Variants in UBE2E3 observed in about 807,000 individuals in gnomAD.
UBE2E3 encodes ubiquitin-conjugating enzyme E2 E3.
A neutral mutation model predicts 23.6 loss-of-function variants in UBE2E3; 5 were observed. The observed-to-expected ratio is 0.21, with a 90% CI of 0.11 to 0.44. The LOEUF is 0.44. Among genes scored for constraint, UBE2E3 ranks in the 20% least tolerant of loss-of-function variants. The pLI is 0.99. For synonymous variants in UBE2E3, 78 were observed against 87.5 expected (o/e 0.89, Z 0.60); for missense variants, 81 against 249.8 (o/e 0.32, Z 4.55).
chr2:181,026,240 C>T (rs184799147), intron 3 of UBE2E3, among the ~76,000 whole-genome samples: 163 of 151,794 alleles, frequency 1.1e-3, no homozygotes, highest in Non-Finnish European at 2.1e-3. Flanking sequence ...CTCATAGAAA[C>T]AGAAAAACCA....
intron 3 of UBE2E3, among the ~76,000 whole-genome samples, chr2:181,047,046 A>G (rs1174831813): frequency 1.3e-5 from 2 of 152,188 alleles, no homozygotes; most frequent in African/African-American, 2.4e-5. Flanking sequence ...TTTTACAGAA[A>G]GAGTTAGTTC....
intron 3 of UBE2E3, among the ~76,000 whole-genome samples, chr2:180,985,735 A>G (rs1437944020): frequency 2.0e-5 from 3 of 152,164 alleles, no homozygotes; most frequent in Admixed American, 6.5e-5. Context: ...TGAAAAATGT[A>G]AAGATCTATC....
At chr2:181,056,683 A>G (rs1265686349) in intron 3 of UBE2E3, among the ~76,000 whole-genome samples, 1 of 151,808 alleles carries the variant, frequency 6.6e-6, no homozygotes, top group Non-Finnish European at 1.5e-5. Context: ...GAGTTTTAGC[A>G]GGGACAGATC....
chr2:181,005,977 T>G (rs13425730), intron 3 of UBE2E3, among the ~76,000 whole-genome samples: 6,375 of 152,240 alleles, frequency 0.042, 193 homozygotes, highest in African/African-American at 0.076. Context: ...ATGTGTATAA[T>G]TATAGCTAAG....
intron 3 of UBE2E3, among the ~76,000 whole-genome samples, chr2:181,039,749 A>G (rs1264934098): frequency 6.6e-6 from 1 of 152,178 alleles, no homozygotes; most frequent in African/African-American, 2.4e-5. Flanking sequence ...TTTTCGTAAA[A>G]TGTCATCCCG....
chr2:181,009,871 C>T (rs1387562791), intron 3 of UBE2E3, among the ~76,000 whole-genome samples: 1 of 151,978 alleles, frequency 6.6e-6, no homozygotes, highest in Non-Finnish European at 1.5e-5. Context: ...TTTATAAATG[C>T]TTTTTCTATT....
At chr2:181,001,035 A>G (rs114318948) in intron 3 of UBE2E3, among the ~76,000 whole-genome samples, 1 of 152,294 alleles carries the variant, frequency 6.6e-6, no homozygotes, top group East Asian at 1.9e-4. Context: ...CTGTGATGAG[A>G]TGGAGAATAT....
chr2:181,060,264 A>T (rs972122849), intron 4 of UBE2E3, among the ~76,000 whole-genome samples: 63 of 150,968 alleles, frequency 4.2e-4, no homozygotes, highest in Non-Finnish European at 8.0e-4. Flanking sequence ...TTTATGTTTT[A>T]AAAAAAAATC....
chr2:180,997,166 T>C (rs1684848435), intron 3 of UBE2E3, among the ~76,000 whole-genome samples: 1 of 151,992 alleles, frequency 6.6e-6, no homozygotes, highest in Admixed American at 6.6e-5. Flanking sequence ...TTTCCTTTTC[T>C]AAGAGATTTT....
chr2:181,014,422 A>C (rs1243022035), intron 3 of UBE2E3, among the ~76,000 whole-genome samples: 2 of 152,198 alleles, frequency 1.3e-5, no homozygotes, highest in African/African-American at 4.8e-5. Context: ...CACTTAGGTG[A>C]GTGTAAACGG....
At chr2:180,998,146 T>TTAC (rs1684885656) in intron 3 of UBE2E3, among the ~76,000 whole-genome samples, 2 of 152,190 alleles carry the variant, frequency 1.3e-5, no homozygotes, top group South Asian at 4.1e-4. Flanking sequence ...ACTCCTTGGT[T>TTAC]TACATCTATT....
chr2:180,989,762 A>G (rs1250248818), intron 3 of UBE2E3: 1 of 1,094,464 alleles, frequency 9.1e-7, no homozygotes, highest in Non-Finnish European at 1.2e-6. Context: ...AAAAAGTTAT[A>G]TGTTTACTTC....
intron 3 of UBE2E3, among the ~76,000 whole-genome samples, chr2:181,009,701 C>G (rs1329243896): frequency 6.6e-6 from 1 of 151,996 alleles, no homozygotes. Flanking sequence ...CTAACTTCTA[C>G]TTAAGTGATA....
intron 3 of UBE2E3, among the ~76,000 whole-genome samples, chr2:181,031,813 ATAATCT>A (rs2105647839): frequency 6.6e-6 from 1 of 152,332 alleles, no homozygotes; most frequent in Admixed American, 6.5e-5. Flanking sequence ...TCGTAAGTTA[ATAATCT>A]TAACTCATTC....
At chr2:181,006,601 A>AT (rs1276097747) in intron 3 of UBE2E3, among the ~76,000 whole-genome samples, 3 of 152,146 alleles carry the variant, frequency 2.0e-5, no homozygotes, top group African/African-American at 7.2e-5. Flanking sequence ...TGAAATTCAA[A>AT]TTTAACTGAG....
At chr2:181,057,572 T>C (rs1313079492) in intron 3 of UBE2E3, 121 bp from the exon 4 acceptor site, 2 of 767,818 alleles carry the variant, frequency 2.6e-6, no homozygotes, top group Admixed American at 4.9e-5. Context: ...ATTTCTTTTA[T>C]ACTTATTTTA....
intron 3 of UBE2E3, among the ~76,000 whole-genome samples, chr2:181,029,152 G>C (rs1304263942): frequency 6.6e-6 from 1 of 151,586 alleles, no homozygotes; most frequent in East Asian, 1.9e-4. Context: ...TCTGTGTTGG[G>C]CTCTTCCATT....
intron 3 of UBE2E3, among the ~76,000 whole-genome samples, chr2:181,035,842 A>G: frequency 6.6e-6 from 1 of 152,188 alleles, no homozygotes; most frequent in Non-Finnish European, 1.5e-5. Context: ...AGGTCACATA[A>G]TAGGTAATAT....
At chr2:181,037,947 G>T (rs1686352497) in intron 3 of UBE2E3, among the ~76,000 whole-genome samples, 1 of 152,188 alleles carries the variant, frequency 6.6e-6, no homozygotes, top group Non-Finnish European at 1.5e-5. Flanking sequence ...TGGTCTGAGT[G>T]ACAAAGTCAG....
Sources: allele counts gnomAD v4.1 joint callset (sites outside exome capture counted in the v4.1 genomes callset), GRCh38; gene constraint gnomAD v4.1.1; transcripts MANE v1.5; gene names NCBI Gene and HGNC (gene_info 2026-07-23, HGNC 2026-07-21).